TSPAN9: variants seen among roughly 807,000 people sequenced by gnomAD.
TSPAN9 encodes tetraspanin 9, also known as tetraspanin-9.
Under a neutral mutation model 31.0 loss-of-function variants are expected in TSPAN9, and 16 were observed. That is an observed-to-expected ratio of 0.52 (90% CI 0.35 to 0.78). The LOEUF is 0.78. Among genes scored for constraint, TSPAN9 ranks in the 30% least tolerant of loss-of-function variants. TSPAN9 has a pLI of 0.01. For missense variants in TSPAN9, 272 were observed against 312.5 expected (o/e 0.87, Z 0.98); for synonymous variants, 145 against 121.6 (o/e 1.19, Z -1.27).
Position 3,157,371 on chromosome 12 carries a change from G to A in TSPAN9, c.-17-43806G>A, listed in dbSNP as rs543181777. On this transcript the variant is annotated intron_variant, in intron 2 of 8. Transcript: ENST00000011898. Reference sequence around the variant, plus strand: ...CCACCTCGGCCTCCCAAAGTGCTAGGATTACAGGCGTGAGCCACTGCACCC... The same window carrying A: ...CCACCTCGGCCTCCCAAAGTGCTAGAATTACAGGCGTGAGCCACTGCACCC... 9.9e-5 allele frequency among the ~76,000 whole-genome samples: 15 copies of A among 152,270 alleles called. No individual in the cohort carries two copies. In the East Asian group the frequency reaches 1.9e-3, roughly 20 times the overall value.
intron 3 of TSPAN9, among the ~76,000 whole-genome samples, chr12:3,241,156 C>G (rs1470313160): frequency 6.6e-6 from 1 of 152,142 alleles, no homozygotes; most frequent in Non-Finnish European, 1.5e-5. Flanking sequence ...ATCAGAAATG[C>G]TGTCAAAGAT....
At chr12:3,246,778 G>A (rs529213225) in intron 3 of TSPAN9, among the ~76,000 whole-genome samples, 5 of 152,262 alleles carry the variant, frequency 3.3e-5, no homozygotes, top group African/African-American at 1.2e-4. Context: ...TCTGAATACC[G>A]CCCCACCATC....
Position 3,281,783 on chromosome 12 carries a change from T to G in TSPAN9, c.614T>G (p.Leu205Arg). 1.9e-6 allele frequency: 3 copies of G among 1,614,068 alleles called. No individual in the cohort carries two copies. The highest frequency in any genetic ancestry group is 2.5e-6 in the Non-Finnish European group (3 of 1,179,982). ...TGGTTCGATGACAATAAGCACGTGC[T>G]GGGCACGGTGGGGATGTGCATCCTC... ...KMWFDDNKHV[L>R]GTVGMCILIM... Residue 205 changes from leucine to arginine, a missense_variant, in exon 8 of 9, where the codon CTG becomes CGG. Transcript: ENST00000011898.
rs2098387541 is a variant in TSPAN9, at chr12:3,226,732, GTGTGTGTGTGTGTATATATATATATATA to G, written c.63+25478_63+25505del. ...TATGTGTATGTATGTGTGTGTGTGT[GTGTGTGTGTGTGTATATATATATATATA>G]TATATATATATATATATATATATAT... On this transcript the variant is annotated intron_variant, in intron 3 of 8. Transcript: ENST00000011898. Among the ~76,000 whole-genome samples, 13 of 14,148 alleles carry G rather than the reference GTGTGTGTGTGTGTATATATATATATATA, an allele frequency of 9.2e-4. 1 individual carries two copies. Among genetic ancestry groups the G allele is most frequent in the East Asian group, 2.3e-3 (1 of 438 alleles). The allele number at this position is 14,148 out of a possible 152,430, so 9.3% of individuals were successfully genotyped here. A position where few individuals can be genotyped will look rare whatever the true frequency, so the allele number is the denominator to read the frequency against.
intron 8 of TSPAN9, 97 bp downstream of exon 8, chr12:3,281,914 G>T (rs749427548): frequency 5.2e-6 from 7 of 1,336,144 alleles, no homozygotes; most frequent in East Asian, 2.4e-5. Context: ...GGTACACGGC[G>T]GAGGGTCTGG....
intron 2 of TSPAN9, among the ~76,000 whole-genome samples, chr12:3,131,962 TCTG>T (rs988077518): frequency 3.3e-5 from 5 of 152,208 alleles, no homozygotes; most frequent in African/African-American, 1.2e-4. Flanking sequence ...CAACCACTGA[TCTG>T]CTTTCTATCT....
At chr12:3,136,922 T>G (rs2153967395) in intron 2 of TSPAN9, among the ~76,000 whole-genome samples, 1 of 152,288 alleles carries the variant, frequency 6.6e-6, no homozygotes, top group South Asian at 2.1e-4. Context: ...AGCCGCCAGG[T>G]GGTCCCAGCT....
At chr12:3,119,402 C>T (rs994405687) in intron 2 of TSPAN9, among the ~76,000 whole-genome samples, 5 of 152,174 alleles carry the variant, frequency 3.3e-5, no homozygotes, top group African/African-American at 4.8e-5. Context: ...TTCCAAAGTC[C>T]GTGTTCTTTC....
At position 3,169,820 on chromosome 12, in the gene TSPAN9, G is replaced by A. The variant is rs79290772; in HGVS notation, c.-17-31357G>A. Among the ~76,000 whole-genome samples the A allele has an allele frequency of 9.9e-3, 1,511 of 152,300 alleles. 27 individuals are homozygous for A. Among genetic ancestry groups the A allele is most frequent in the African/African-American group, 0.035 (1,448 of 41,538 alleles). On this transcript the variant is annotated intron_variant, in intron 2 of 8. Coordinates refer to ENST00000011898, the MANE Select transcript of TSPAN9 (RefSeq NM_006675.5). ...GGAAGAAGATCGTATCAGGTGTCAG[G>A]GTGGGCAGGGTGGCTTCCTGGAGCC... is the stretch of plus-strand genomic sequence containing the variant.
At chr12:3,274,160 G>T (rs1401791142) in intron 3 of TSPAN9, among the ~76,000 whole-genome samples, 1 of 152,190 alleles carries the variant, frequency 6.6e-6, no homozygotes, top group South Asian at 2.1e-4. Context: ...CTCACCAGGT[G>T]CCAGGAGCAG....
Position 3,168,979 on chromosome 12 carries a change from G to C in TSPAN9, c.-17-32198G>C, listed in dbSNP as rs1228794520. On this transcript the variant is annotated intron_variant, in intron 2 of 8. Coordinates refer to ENST00000011898, the MANE Select transcript of TSPAN9 (RefSeq NM_006675.5). This position sits in a 1 kb window ranked among gnomAD's most constrained non-coding sequence, Gnocchi z 4.0. ...TTAAACGGAGCTGGGAACATGAAGT[G>C]TGTGTACGCTTCTCTTTTCGTCATT... 6.6e-6 allele frequency among the ~76,000 whole-genome samples: 1 copy of C among 152,212 alleles called. No homozygotes were observed. The highest frequency in any genetic ancestry group is 6.5e-5 in the Admixed American group (1 of 15,278).
At chr12:3,132,049 G>A (rs2098330046) in intron 2 of TSPAN9, among the ~76,000 whole-genome samples, 1 of 152,152 alleles carries the variant, frequency 6.6e-6, no homozygotes, top group Non-Finnish European at 1.5e-5. Context: ...CTGGCTTCCT[G>A]CACTTAGCGT....
At chr12:3,252,198 G>A (rs779519106) in intron 3 of TSPAN9, among the ~76,000 whole-genome samples, 4 of 152,188 alleles carry the variant, frequency 2.6e-5, no homozygotes, top group East Asian at 1.9e-4. Flanking sequence ...AAGACCAGAC[G>A]CCTCTAGTTC....
At chr12:3,246,363 T>C (rs1024897008) in intron 3 of TSPAN9, among the ~76,000 whole-genome samples, 94 of 152,120 alleles carry the variant, frequency 6.2e-4, no homozygotes, top group African/African-American at 2.2e-3. Flanking sequence ...TCTATCACCC[T>C]CTTCCCCACC....
intron 3 of TSPAN9, among the ~76,000 whole-genome samples, chr12:3,263,141 T>G (rs554040683): frequency 6.6e-6 from 1 of 152,304 alleles, no homozygotes; most frequent in South Asian, 2.1e-4. Context: ...ACCTGTGAAA[T>G]GGACTCATAG....
intron 2 of TSPAN9, 158 bp from the exon 3 acceptor site, chr12:3,201,007 CTCCGGCCGCCCG>C: frequency 1.6e-6 from 1 of 612,196 alleles, no homozygotes; most frequent in Non-Finnish European, 2.9e-6. Context: ...AGCCGTCCAC[CTCCGGCCGCCCG>C]TTCGGCCGCG....
At chr12:3,082,488 G>A (rs73046391) in intron 1 of TSPAN9, among the ~76,000 whole-genome samples, 398 of 152,304 alleles carry the variant, frequency 2.6e-3, no homozygotes, top group Non-Finnish European at 3.2e-3. Flanking sequence ...CATTAAACTG[G>A]TGCTGTGGAG....
intron 3 of TSPAN9, among the ~76,000 whole-genome samples, chr12:3,247,256 G>A (rs1266118454): frequency 6.6e-6 from 1 of 151,384 alleles, no homozygotes; most frequent in Admixed American, 6.6e-5. Flanking sequence ...AGAGAGAGGA[G>A]CTGCGGTGAC....
rs972252224 is a variant in TSPAN9, at chr12:3,192,402, G to C, written c.-17-8775G>C. Among the ~76,000 whole-genome samples the C allele has an allele frequency of 2.0e-5, 3 of 152,152 alleles. No individual in the cohort carries two copies. The highest frequency in any genetic ancestry group is 4.4e-5 in the Non-Finnish European group (3 of 68,030). On this transcript the variant is annotated intron_variant, in intron 2 of 8. Coordinates refer to ENST00000011898, the MANE Select transcript of TSPAN9 (RefSeq NM_006675.5). This position sits in a 1 kb window ranked among gnomAD's most constrained non-coding sequence, Gnocchi z 4.6. ...CATGAAGCAGGGCTGGACAAGGGCG[G>C]GGACGAGGAGGATGCCAGGTGCAGG...
Sources: allele counts gnomAD v4.1 joint callset (sites outside exome capture counted in the v4.1 genomes callset), GRCh38; gene constraint gnomAD v4.1.1; non-coding constraint Gnocchi (gnomAD v3.1); transcripts MANE v1.5; gene names NCBI Gene and HGNC (gene_info 2026-07-23, HGNC 2026-07-21).